The following SORBS2 variants were observed in gnomAD, a reference collection of about 807,000 sequenced individuals.
SORBS2 encodes the protein sorbin and SH3 domain containing 2.
A neutral mutation model predicts 97.7 loss-of-function variants in SORBS2; 46 were observed. The ratio of observed to expected loss-of-function variants is 0.47; its 90% CI spans 0.37 to 0.60. The LOEUF (loss-of-function observed/expected upper bound fraction) is 0.60, where lower values mean the gene tolerates loss of function less well. Among genes scored for constraint, SORBS2 ranks in the 20% least tolerant of loss-of-function variants. SORBS2 has a pLI of 0.00. For missense variants in SORBS2, 1,316 were observed against 1,282.3 expected, an observed-to-expected ratio of 1.03 and a Z score of -0.40; for synonymous variants, 476 against 473.4, an observed-to-expected ratio of 1.01 and a Z score of -0.07.
intron 4 of SORBS2, among the ~76,000 whole-genome samples, chr4:185,677,974 A>G (rs938442748): frequency 6.6e-6 from 1 of 152,124 alleles, no homozygotes. Flanking sequence ...TGACATATAT[A>G]TATATAGTTT....
chr4:185,596,858 C>T (rs940821273), intron 12 of SORBS2, among the ~76,000 whole-genome samples: 25 of 152,036 alleles, frequency 1.6e-4, no homozygotes, highest in African/African-American at 6.0e-4. Flanking sequence ...ACCTGTTTCC[C>T]AATTTCTCTT....
intron 1 of SORBS2, among the ~76,000 whole-genome samples, chr4:185,902,028 A>T (rs1459975065): frequency 1.3e-5 from 2 of 152,248 alleles, no homozygotes; most frequent in African/African-American, 4.8e-5. Context: ...GATCTACTAT[A>T]AAAAAGGCTA....
chr4:185,821,380 G>A (rs533039486), intron 1 of SORBS2, among the ~76,000 whole-genome samples: 1 of 152,124 alleles, frequency 6.6e-6, no homozygotes, highest in African/African-American at 2.4e-5. Context: ...AGAACTTTGG[G>A]CCTTATCTTC....
intron 1 of SORBS2, among the ~76,000 whole-genome samples, chr4:185,875,283 T>C (rs1004328833): frequency 3.3e-5 from 5 of 152,166 alleles, no homozygotes; most frequent in African/African-American, 1.2e-4. Context: ...GCACATGAGG[T>C]GATACATATG....
At chr4:185,616,603 A>G (rs973644134) in intron 9 of SORBS2, among the ~76,000 whole-genome samples, 7 of 151,866 alleles carry the variant, frequency 4.6e-5, no homozygotes. Context: ...GCTATGAAAA[A>G]GACTCTTTTG....
intron 12 of SORBS2, among the ~76,000 whole-genome samples, chr4:185,603,287 A>C (rs73876122): frequency 0.03 from 4,517 of 152,308 alleles, 215 homozygotes; most frequent in African/African-American, 0.1. Flanking sequence ...GGCCTTAAAA[A>C]TAAAACCACA....
At chr4:185,864,507 C>T (rs1188629439) in intron 1 of SORBS2, among the ~76,000 whole-genome samples, 3 of 152,222 alleles carry the variant, frequency 2.0e-5, no homozygotes, top group African/African-American at 7.2e-5. Flanking sequence ...ATCATCACCA[C>T]TATCACTATA....
In SORBS2 at chr4:185,684,867, T is replaced by G; in HGVS notation, c.-197-6045A>C. 2 of 1,543,646 alleles carry G rather than the reference T, an allele frequency of 1.3e-6. No homozygotes were observed. The highest frequency in any genetic ancestry group is 2.7e-5 in the African/African-American group (2 of 72,960). ...GCTATCTGGAAGCAAAAAAATGATATAGCAGAGGCCAAGGCAACGGGAAAA... is the reference window on the plus strand; with the variant it reads ...GCTATCTGGAAGCAAAAAAATGATAGAGCAGAGGCCAAGGCAACGGGAAAA... On this transcript the variant is annotated intron_variant, in intron 2 of 20. Coordinates refer to the SORBS2 transcript ENST00000284776. The surrounding 1 kb of genome is among the most constrained non-coding windows in gnomAD (Gnocchi z 4.2).
intron 4 of SORBS2, among the ~76,000 whole-genome samples, chr4:185,670,075 C>T (rs932834836): frequency 5.9e-5 from 9 of 151,888 alleles, no homozygotes; most frequent in Admixed American, 5.2e-4. Flanking sequence ...AAAAATTAGC[C>T]AGGCGTGATG....
chr4:185,841,824 A>G (rs1407274058), intron 1 of SORBS2, among the ~76,000 whole-genome samples: 1 of 152,244 alleles, frequency 6.6e-6, no homozygotes, highest in Non-Finnish European at 1.5e-5. Flanking sequence ...TCTCTGTACT[A>G]AATTCTTTCT....
chr4:185,936,990 C>G (rs2099269269), intron 1 of SORBS2, among the ~76,000 whole-genome samples: 1 of 152,264 alleles, frequency 6.6e-6, no homozygotes. Context: ...TAAAAGATTA[C>G]ATAGCACAGT....
At chr4:185,669,152 G>A (rs2097668220) in intron 4 of SORBS2, among the ~76,000 whole-genome samples, 1 of 152,200 alleles carries the variant, frequency 6.6e-6, no homozygotes, top group East Asian at 1.9e-4. Flanking sequence ...ATTCAAGGGA[G>A]GGTGAGCTTC....
intron 2 of SORBS2, among the ~76,000 whole-genome samples, chr4:185,700,214 C>T (rs1475627560): frequency 6.6e-6 from 1 of 152,138 alleles, no homozygotes; most frequent in Non-Finnish European, 1.5e-5. Context: ...ATAATTAAAT[C>T]AATGTCTAAA....
At chr4:185,940,746 TC>T (rs936356856) in intron 1 of SORBS2, among the ~76,000 whole-genome samples, 1 of 152,166 alleles carries the variant, frequency 6.6e-6, no homozygotes, top group African/African-American at 2.4e-5. Flanking sequence ...CAGAGCAGTC[TC>T]CCCCAGGTTT....
chr4:185,928,736 C>T (rs371465167), intron 1 of SORBS2, among the ~76,000 whole-genome samples: 23 of 152,066 alleles, frequency 1.5e-4, no homozygotes, highest in African/African-American at 3.4e-4. Flanking sequence ...TTAGTAGAGA[C>T]GGGGTTTCAC....
intron 3 of SORBS2, 123 bp downstream of exon 6, chr4:185,678,673 T>G: frequency 8.5e-7 from 1 of 1,169,956 alleles, no homozygotes; most frequent in Non-Finnish European, 1.2e-6. Flanking sequence ...ACTAGAGGTT[T>G]AATTTAATAT....
chr4:185,726,828 T>C (rs1361332756), intron 2 of SORBS2, among the ~76,000 whole-genome samples: 1 of 152,126 alleles, frequency 6.6e-6, no homozygotes, highest in East Asian at 1.9e-4. Flanking sequence ...AAACCAGGGA[T>C]TTCAGAAATA....
At chr4:185,709,240 G>A (rs72702045) in intron 2 of SORBS2, among the ~76,000 whole-genome samples, 10,278 of 144,108 alleles carry the variant, frequency 0.071, 520 homozygotes, top group African/African-American at 0.12. Context: ...GGCTGGTCTT[G>A]AACTCCCGCC....
chr4:185,940,705 C>G (rs2099271527), intron 1 of SORBS2, among the ~76,000 whole-genome samples: 1 of 152,212 alleles, frequency 6.6e-6, no homozygotes. Flanking sequence ...TTGTTCCAGC[C>G]TAGGTACTTT....
Sources: gnomAD v4.1 joint callset for allele counts (sites outside exome capture counted in the v4.1 genomes callset) on GRCh38, gnomAD v4.1.1 for gene constraint, Gnocchi (gnomAD v3.1) non-coding constraint, MANE v1.5 for transcripts, NCBI Gene and HGNC (gene_info 2026-07-23, HGNC 2026-07-21) for gene names.